Variants in HTR1F observed in about 807,000 individuals in gnomAD.
HTR1F encodes 5-hydroxytryptamine (serotonin) receptor 1F, G protein-coupled.
Under a neutral mutation model 24.0 loss-of-function variants are expected in HTR1F, and 17 were observed. The observed-to-expected ratio is 0.71, with a 90% confidence interval of 0.48 to 1.06. The LOEUF is 1.06. Among genes scored for constraint, HTR1F ranks in the 50% least tolerant of loss-of-function variants. The probability of loss-of-function intolerance (pLI) is 0.00; values close to 1 mark genes in which losing one functional copy is unlikely to be tolerated. For synonymous variants in HTR1F, 186 were observed against 156.8 expected (o/e 1.19, Z -1.39); for missense variants, 391 against 427.8 (o/e 0.91, Z 0.76).
chr3:87,817,974 T>G (rs1359852340), intron 1 of HTR1F, among the ~76,000 whole-genome samples: 1 of 152,128 alleles, frequency 6.6e-6, no homozygotes, highest in Non-Finnish European at 1.5e-5. Flanking sequence ...CTGATAACCT[T>G]CAGAAATGGC....
intron 2 of HTR1F, among the ~76,000 whole-genome samples, chr3:87,883,014 C>T (rs1365907556): frequency 6.6e-6 from 1 of 152,152 alleles, no homozygotes; most frequent in Non-Finnish European, 1.5e-5. Context: ...GGTTCCTGAC[C>T]TCCATGTAGC....
rs10709918 is a variant in HTR1F, at chr3:87,993,351, GT to G, written c.*1509del. 0.27 allele frequency: 45,142 copies of G among 165,660 alleles called. 6,684 individuals are homozygous for G. Among genetic ancestry groups the G allele is most frequent in the Non-Finnish European group, 0.33 (22,434 of 67,850 alleles). 10.3% of individuals were successfully genotyped at this position (165,660 alleles called of 1,614,324 possible). On this transcript the variant is annotated 3_prime_UTR_variant, in exon 3 of 3. Coordinates refer to ENST00000319595, the MANE Select transcript of HTR1F (RefSeq NM_001322209.2). ...AAGATATACGAAATAATAAAATACA[GT>G]TTTTTTTCCTGAATATGTTTACAGT...
At chr3:87,859,290 A>G (rs1027746928) in intron 2 of HTR1F, among the ~76,000 whole-genome samples, 1 of 152,244 alleles carries the variant, frequency 6.6e-6, no homozygotes, top group Non-Finnish European at 1.5e-5. Flanking sequence ...AGTCTCAAGT[A>G]ACAGTCACTC....
At chr3:87,863,852 T>C (rs1008403666) in intron 2 of HTR1F, among the ~76,000 whole-genome samples, 2 of 152,246 alleles carry the variant, frequency 1.3e-5, no homozygotes, top group Admixed American at 1.3e-4. Flanking sequence ...CTTACAGTTC[T>C]AGACATCAGA....
At chr3:87,915,626 C>T (rs1225893350) in intron 2 of HTR1F, among the ~76,000 whole-genome samples, 1 of 151,944 alleles carries the variant, frequency 6.6e-6, no homozygotes, top group East Asian at 1.9e-4. Flanking sequence ...AAAGACAAGG[C>T]CTTTGAATTA....
Position 87,832,659 on chromosome 3 carries a change from A to G in HTR1F, c.-43+10535A>G, listed in dbSNP as rs573942990. Among the ~76,000 whole-genome samples, 88 of 152,296 alleles carry G rather than the reference A, an allele frequency of 5.8e-4. 2 individuals are homozygous for G. In the South Asian group the frequency reaches 8.7e-3, roughly 15 times the overall value. On this transcript the variant is annotated intron_variant, in intron 2 of 2. Coordinates refer to ENST00000319595, the MANE Select transcript of HTR1F (RefSeq NM_001322209.2). ...CCCCTTCTTGTAAGAATTGTTCATC[A>G]GAGTAACTAGTTCACAAATGAATTC...
chr3:87,798,923 C>T (rs1575881984), intron 1 of HTR1F, among the ~76,000 whole-genome samples: 2 of 152,274 alleles, frequency 1.3e-5, no homozygotes, highest in East Asian at 3.9e-4. Context: ...TGGTGATCCT[C>T]TTCCATTGCC....
chr3:87,980,040 T>C (rs1229663601), intron 2 of HTR1F, among the ~76,000 whole-genome samples: 4 of 152,184 alleles, frequency 2.6e-5, no homozygotes, highest in Non-Finnish European at 5.9e-5. Flanking sequence ...CTCTCCTCAT[T>C]GCCCACACTG....
intron 2 of HTR1F, among the ~76,000 whole-genome samples, chr3:87,899,374 C>T (rs1706273623): frequency 6.6e-6 from 1 of 152,192 alleles, no homozygotes; most frequent in Non-Finnish European, 1.5e-5. Context: ...CCACACTTTC[C>T]TATTCCTGGT....
At chr3:87,980,378 T>C (rs1461508204) in intron 2 of HTR1F, among the ~76,000 whole-genome samples, 1 of 152,134 alleles carries the variant, frequency 6.6e-6, no homozygotes, top group African/African-American at 2.4e-5. Flanking sequence ...CCAGAGTGGG[T>C]AGCTCCTATC....
chr3:87,887,947 G>T (rs1028210837), intron 2 of HTR1F, among the ~76,000 whole-genome samples: 4 of 152,234 alleles, frequency 2.6e-5, no homozygotes, highest in Admixed American at 1.3e-4. Context: ...AATACCATTT[G>T]ACCCAGCAAT....
chr3:87,945,596 G>A (rs565315978), intron 2 of HTR1F, among the ~76,000 whole-genome samples: 23 of 152,170 alleles, frequency 1.5e-4, no homozygotes, highest in South Asian at 1.5e-3. Context: ...GTTGGCCATC[G>A]GCTTCCCCAA....
Position 87,932,523 on chromosome 3 carries a change from T to C in HTR1F, c.-42-58185T>C, listed in dbSNP as rs537055907. ...TTTTGGCTTAGGATTGACTTGGCAA[T>C]GTGGGCTCTTTTTTGGTTCCATATG... is the stretch of plus-strand genomic sequence containing the variant. On this transcript the variant is annotated intron_variant, in intron 2 of 2. Coordinates refer to ENST00000319595, the MANE Select transcript of HTR1F (RefSeq NM_001322209.2). Among the ~76,000 whole-genome samples the C allele has an allele frequency of 2.9e-3, 440 of 152,280 alleles. 7 individuals are homozygous for C. The highest frequency in any genetic ancestry group is 0.02 in the Admixed American group (303 of 15,292).
intron 2 of HTR1F, among the ~76,000 whole-genome samples, chr3:87,912,633 C>A (rs1199563965): frequency 4.9e-4 from 41 of 84,466 alleles, no homozygotes; most frequent in African/African-American, 1.0e-3. Context: ...CAATCCTAGG[C>A]AAAAAAAAAA....
At chr3:87,920,228 G>A (rs1268429748) in intron 2 of HTR1F, among the ~76,000 whole-genome samples, 3 of 151,746 alleles carry the variant, frequency 2.0e-5, no homozygotes, top group East Asian at 1.9e-4. Flanking sequence ...AGAATGACAC[G>A]ATGGACTTTG....
intron 2 of HTR1F, among the ~76,000 whole-genome samples, chr3:87,960,499 G>A (rs1214529296): frequency 6.6e-6 from 1 of 151,866 alleles, no homozygotes; most frequent in East Asian, 1.9e-4. Flanking sequence ...ATATGGGTTT[G>A]AAGCCAACAG....
chr3:87,820,997 C>T (rs1298726522), intron 1 of HTR1F, among the ~76,000 whole-genome samples: 2 of 152,102 alleles, frequency 1.3e-5, no homozygotes, highest in Non-Finnish European at 2.9e-5. Flanking sequence ...GATTTTCTCA[C>T]TGATTTGGAC....
At chr3:87,886,271 C>T (rs1469259061) in intron 2 of HTR1F, among the ~76,000 whole-genome samples, 1 of 152,096 alleles carries the variant, frequency 6.6e-6, no homozygotes, top group African/African-American at 2.4e-5. Context: ...GCAGAAAAGG[C>T]CTTTGACAAA....
chr3:87,931,986 C>T (rs1437137804), intron 2 of HTR1F, among the ~76,000 whole-genome samples: 1 of 151,996 alleles, frequency 6.6e-6, no homozygotes. Flanking sequence ...TTCTCCCATT[C>T]TGTAGGTTGC....
Sources: gnomAD v4.1 joint callset for allele counts (sites outside exome capture counted in the v4.1 genomes callset) on GRCh38, gnomAD v4.1.1 for gene constraint, MANE v1.5 for transcripts, NCBI Gene and HGNC (gene_info 2026-07-23, HGNC 2026-07-21) for gene names.